Variants in SH3RF1 observed in about 807,000 individuals in gnomAD.
SH3RF1 encodes the protein E3 ubiquitin-protein ligase SH3RF1.
SH3RF1 carries 32 observed loss-of-function variants against 74.0 expected under a neutral mutation model. The observed-to-expected ratio is 0.43, with a 90% CI of 0.33 to 0.58. SH3RF1 has a LOEUF of 0.58. SH3RF1 is among the 20% of genes least tolerant of loss of function. SH3RF1 has a pLI of 0.05. For missense variants in SH3RF1, 954 were observed against 1,130.9 expected (o/e 0.84, Z 2.24); for synonymous variants, 396 against 439.6 (o/e 0.90, Z 1.24).
chr4:169,129,982 G>A (rs1733585653), intron 6 of SH3RF1, 64 bp downstream of exon 6: 2 of 1,272,514 alleles, frequency 1.6e-6, no homozygotes, highest in South Asian at 2.5e-5. Flanking sequence ...AGGAGGTGGA[G>A]TGTGCCAGAT....
intron 11 of SH3RF1, among the ~76,000 whole-genome samples, chr4:169,097,561 G>A (rs539864595): frequency 6.6e-6 from 1 of 152,290 alleles, no homozygotes; most frequent in East Asian, 1.9e-4. Context: ...TGTAGGAAAC[G>A]AGAGGGAGGT....
chr4:169,191,439 G>A (rs967725019), intron 2 of SH3RF1, among the ~76,000 whole-genome samples: 1 of 151,934 alleles, frequency 6.6e-6, no homozygotes, highest in Non-Finnish European at 1.5e-5. Context: ...TGACTGAGTA[G>A]AATCAATATT....
chr4:169,158,958 T>G (rs1338893783), intron 2 of SH3RF1, among the ~76,000 whole-genome samples: 2 of 152,192 alleles, frequency 1.3e-5, no homozygotes, highest in Non-Finnish European at 2.9e-5. Flanking sequence ...CATGTGATGT[T>G]GTAGTTGGTT....
At chr4:169,263,335 T>C (rs1731309206) in intron 2 of SH3RF1, among the ~76,000 whole-genome samples, 1 of 152,260 alleles carries the variant, frequency 6.6e-6, no homozygotes, top group Non-Finnish European at 1.5e-5. Flanking sequence ...CACTATCTGC[T>C]GCCTTACTTG....
intron 2 of SH3RF1, among the ~76,000 whole-genome samples, chr4:169,224,578 A>G (rs1055258310): frequency 6.6e-6 from 1 of 152,196 alleles, no homozygotes; most frequent in Non-Finnish European, 1.5e-5. Context: ...TCGGCCTCCC[A>G]AAGTGCTGGG....
chr4:169,195,514 C>T (rs374453232), intron 2 of SH3RF1, among the ~76,000 whole-genome samples: 15 of 152,184 alleles, frequency 9.9e-5, no homozygotes, highest in African/African-American at 2.4e-4. Flanking sequence ...TCAAATACTG[C>T]GGTGCTCCAC....
At chr4:169,160,538 T>C (rs1734134309) in intron 2 of SH3RF1, among the ~76,000 whole-genome samples, 1 of 152,218 alleles carries the variant, frequency 6.6e-6, no homozygotes, top group Non-Finnish European at 1.5e-5. Context: ...CTGCTAAAAT[T>C]GTTTCAATGA....
At chr4:169,160,817 T>A (rs914500485) in intron 2 of SH3RF1, among the ~76,000 whole-genome samples, 3 of 152,242 alleles carry the variant, frequency 2.0e-5, no homozygotes, top group Admixed American at 2.0e-4. Flanking sequence ...GTTAAACGAC[T>A]TGGAAAAGCA....
At chr4:169,104,777 T>C (rs1273765928) in intron 11 of SH3RF1, among the ~76,000 whole-genome samples, 1 of 151,776 alleles carries the variant, frequency 6.6e-6, no homozygotes, top group African/African-American at 2.4e-5. Context: ...GGTGTGTGCC[T>C]GCAATCCCAG....
At chr4:169,253,449 T>G (rs1232470257) in intron 2 of SH3RF1, among the ~76,000 whole-genome samples, 1 of 152,246 alleles carries the variant, frequency 6.6e-6, no homozygotes, top group Non-Finnish European at 1.5e-5. Context: ...GCTTTTGTCA[T>G]GTTTCATATC....
At chr4:169,117,358 C>T (rs1413266469) in intron 9 of SH3RF1, among the ~76,000 whole-genome samples, 165 bp downstream of exon 9, 4 of 152,194 alleles carry the variant, frequency 2.6e-5, no homozygotes, top group Middle Eastern at 3.2e-3. Flanking sequence ...ACGCAGGGCA[C>T]GCTTAGCCCA....
intron 2 of SH3RF1, among the ~76,000 whole-genome samples, chr4:169,161,634 G>C (rs186491244): frequency 6.6e-6 from 1 of 152,110 alleles, no homozygotes; most frequent in Non-Finnish European, 1.5e-5. Context: ...ATTTCTTACT[G>C]CTCCATAAAG....
intron 2 of SH3RF1, among the ~76,000 whole-genome samples, chr4:169,187,741 G>T (rs886277912): frequency 6.6e-6 from 1 of 152,182 alleles, no homozygotes; most frequent in Non-Finnish European, 1.5e-5. Context: ...AAGGAAGTAA[G>T]TGTGCTTTGG....
intron 2 of SH3RF1, chr4:169,220,090 T>C (rs894401745): frequency 6.6e-6 from 1 of 152,236 alleles, no homozygotes; most frequent in Non-Finnish European, 1.5e-5. Context: ...TCAGTCAAAG[T>C]GAATCATCTG....
At chr4:169,170,714 G>A (rs1734313622) in intron 2 of SH3RF1, among the ~76,000 whole-genome samples, 1 of 152,058 alleles carries the variant, frequency 6.6e-6, no homozygotes, top group Admixed American at 6.6e-5. Context: ...ATATAGATCT[G>A]CCAGATTCAT....
chr4:169,111,401 C>T (rs1248990689), intron 10 of SH3RF1, among the ~76,000 whole-genome samples: 2 of 150,738 alleles, frequency 1.3e-5, no homozygotes, highest in Admixed American at 6.6e-5. Flanking sequence ...ACTACAGGCA[C>T]ATACCACCAT....
chr4:169,244,580 T>C (rs1730963036), intron 2 of SH3RF1, among the ~76,000 whole-genome samples: 1 of 152,184 alleles, frequency 6.6e-6, no homozygotes, highest in South Asian at 2.1e-4. Flanking sequence ...CATCTAACTA[T>C]AACCAGCACT....
intron 2 of SH3RF1, among the ~76,000 whole-genome samples, chr4:169,159,614 A>G (rs1223403079): frequency 6.6e-6 from 1 of 152,168 alleles, no homozygotes; most frequent in South Asian, 2.1e-4. Context: ...GAATTCATAT[A>G]TATAAGCCAC....
At chr4:169,209,729 T>G (rs62332726) in intron 2 of SH3RF1, among the ~76,000 whole-genome samples, 29,507 of 152,174 alleles carry the variant, frequency 0.19, 3,110 homozygotes, top group Non-Finnish European at 0.25. Flanking sequence ...CACTGTAATG[T>G]ACCGGAAAGT....
Sources: allele counts gnomAD v4.1 joint callset (sites outside exome capture counted in the v4.1 genomes callset), GRCh38; gene constraint gnomAD v4.1.1; transcripts MANE v1.5; gene names NCBI Gene and HGNC (gene_info 2026-07-23, HGNC 2026-07-21).